The following COL8A2 variants were observed in gnomAD, a reference collection of about 807,000 sequenced individuals.
COL8A2 encodes the protein collagen type VIII alpha 2 chain.
In COL8A2, 16 loss-of-function variants were observed where a neutral mutation model predicts 24.0. The ratio of observed to expected loss-of-function variants is 0.67; its 90% confidence interval spans 0.45 to 1.01. The LOEUF (loss-of-function observed/expected upper bound fraction) is 1.01, where lower values mean the gene tolerates loss of function less well. Ranked by LOEUF, COL8A2 falls within the 50% of genes least tolerant of loss-of-function variation. COL8A2 has a pLI of 0.00. For missense variants in COL8A2, 818 were observed against 942.4 expected, an observed-to-expected ratio of 0.87 and a Z score of 1.73; for synonymous variants, 466 against 424.5, an observed-to-expected ratio of 1.10 and a Z score of -1.20.
chr1:36,121,381 T>A (rs1382590842), intron 1 of COL8A2, among the ~76,000 whole-genome samples: 3 of 89,518 alleles, frequency 3.4e-5, no homozygotes, highest in South Asian at 8.8e-4. Context: ...AGAGCCAGAC[T>A]CTGTCTCAAA....
rs1643558315 is a variant in COL8A2 at position 36,096,082 on chromosome 1, G to A, written c.*1487C>T. ...CCTGGACACAGCCAGACTTGGAGCA[G>A]TGCAACGAGATCACAGACCGAATGA... On this transcript the variant is annotated 3_prime_UTR_variant, in exon 4 of 4. Coordinates refer to ENST00000397799, the MANE Select transcript of COL8A2 (RefSeq NM_005202.4). The A allele has an allele frequency of 6.6e-6, 1 of 151,952 alleles. No individual in the cohort carries two copies. Among genetic ancestry groups the A allele is most frequent in the African/African-American group, 2.4e-5 (1 of 41,374 alleles). The allele number at this position is 151,952 out of a possible 1,614,324, so 9.4% of individuals were successfully genotyped here.
intron 2 of COL8A2, among the ~76,000 whole-genome samples, chr1:36,101,683 G>A (rs939627611): frequency 6.6e-6 from 1 of 152,172 alleles, no homozygotes; most frequent in Non-Finnish European, 1.5e-5. Flanking sequence ...TAGAGACAAC[G>A]CAAATGTCCA....
Position 36,098,105 on chromosome 1 carries a change from G to C in COL8A2, c.1576C>G (p.Pro526Ala). Reference sequence around the variant, plus strand: ...CCAGGGGCACCAGGGGGTCCCGGGGGCCCGGGAGGCCCCGGAGGGCCCGTG... The same window carrying C: ...CCAGGGGCACCAGGGGGTCCCGGGGCCCCGGGAGGCCCCGGAGGGCCCGTG... ...GITGPPGPPGPPGPPGAPGAF... is the reference protein window; with the variant it reads ...GITGPPGPPGAPGPPGAPGAF... The change falls in exon 4 of 4, where the codon CCC (proline) becomes GCC (alanine). Residue 526 changes from proline to alanine, a missense_variant. Around this residue, in one of 3 missense-constraint regions of COL8A2, gnomAD observed 235 missense variants for 297.3 expected, o/e 0.79. Transcript: ENST00000397799. The C allele has an allele frequency of 6.6e-7, 1 of 1,513,694 alleles. No homozygotes were observed. Among genetic ancestry groups the C allele is most frequent in the Non-Finnish European group, 8.8e-7 (1 of 1,140,660 alleles). 93.8% of individuals were successfully genotyped at this position (1,513,694 alleles called of 1,614,324 possible). A position where few individuals can be genotyped will look rare whatever the true frequency, so the allele number is the denominator to read the frequency against.
chr1:36,119,230 A>G (rs543158043), intron 1 of COL8A2, among the ~76,000 whole-genome samples: 6 of 152,298 alleles, frequency 3.9e-5, no homozygotes, highest in African/African-American at 1.2e-4. Context: ...AAACAAGTTA[A>G]TTTTGTGTAA....
rs1178881532 is a variant in COL8A2 at position 36,098,913 on chromosome 1, A to C, written c.768T>G (p.Pro256=). 1 of 1,609,018 alleles carries C rather than the reference A, an allele frequency of 6.2e-7. No homozygotes were observed. Among genetic ancestry groups the C allele is most frequent in the South Asian group, 1.1e-5 (1 of 90,910 alleles). The change falls in exon 4 of 4, where the codon CCT becomes CCG. Residue 256 remains proline (P), a synonymous_variant. Coordinates refer to ENST00000397799, the MANE Select transcript of COL8A2 (RefSeq NM_005202.4). ...CCCCCCTGGGGCCTGGAACTCCAGG[A>C]GGCCCAGACTCACCCTTGTCTCCTG... ...GAPGDKGESG[P]PGVPGPRGEP...
chr1:36,121,757 G>A (rs72661677), intron 1 of COL8A2, among the ~76,000 whole-genome samples: 18 of 152,088 alleles, frequency 1.2e-4, no homozygotes, highest in Non-Finnish European at 1.5e-4. Context: ...ACCCAGTAAG[G>A]TTCCCTCTGC....
chr1:36,095,934 CA>C lies in COL8A2; in HGVS notation c.*1634del, dbSNP rs1643556427. 1 of 152,218 alleles carries C rather than the reference CA, an allele frequency of 6.6e-6. No individual in the cohort carries two copies. Among genetic ancestry groups the C allele is most frequent in the Non-Finnish European group, 1.5e-5 (1 of 68,052 alleles). The allele number at this position is 152,218 out of a possible 1,614,324, so 9.4% of individuals were successfully genotyped here. ...TCATTCCTCCTTTTGAAGAAGTGAG[CA>C]AACAGCCTGCTTTGTTTGGAGAAGT... On this transcript the variant is annotated 3_prime_UTR_variant, in exon 4 of 4. Transcript: ENST00000397799.
chr1:36,123,474 G>A lies in COL8A2; in HGVS notation c.-62+1583C>T, dbSNP rs540484167. On this transcript the variant is annotated intron_variant, in intron 1 of 3. Transcript: ENST00000397799. The surrounding 1 kb of genome is among the most constrained non-coding windows in gnomAD (Gnocchi z 4.1). ...TTCCCCTTCCTCTGAGCCAAAGAGC[G>A]GAAATTCTCATTTTCACTGTGGTAG... Among the ~76,000 whole-genome samples, 5 of 152,292 alleles carry A rather than the reference G, an allele frequency of 3.3e-5. No homozygotes were observed. Among genetic ancestry groups the A allele is most frequent in the South Asian group, 2.1e-4 (1 of 4,826 alleles).
Position 36,098,538 on chromosome 1 carries a change from T to C in COL8A2, c.1143A>G (p.Ala381=). ...GCACTCCTGGGGGTCCTCCAGGCCC[T>C]GCCTCACCCTTAGGCCCAGGGGGCC... ...RRGPPGPKGE[A]GPGGPPGVPG... Residue 381 remains alanine, a synonymous_variant, in exon 4 of 4, where the codon GCA becomes GCG. Transcript: ENST00000397799. 6.3e-7 allele frequency: 1 copy of C among 1,599,204 alleles called. No individual in the cohort carries two copies.
At chr1:36,100,006 G>T in intron 3 of COL8A2, 44 bp downstream of exon 3, 1 of 1,579,130 alleles carries the variant, frequency 6.3e-7, no homozygotes, top group Non-Finnish European at 8.7e-7. Context: ...GGGATTTGGG[G>T]GCTGGGAGCG....
chr1:36,111,386 T>C (rs562903350), intron 2 of COL8A2, among the ~76,000 whole-genome samples: 83 of 152,284 alleles, frequency 5.5e-4, no homozygotes, highest in Non-Finnish European at 1.0e-3. Context: ...GCCCACTTCC[T>C]CTGCCCACTC....
rs946286695 is a variant in COL8A2 at position 36,107,622 on chromosome 1, C to T, written c.-16-7364G>A. Among the ~76,000 whole-genome samples, 48 of 152,108 alleles carry T rather than the reference C, an allele frequency of 3.2e-4. 2 individuals carry two copies. The highest frequency in any genetic ancestry group is 5.9e-5 in the Non-Finnish European group (4 of 68,020). ...GCTGGGGAGTGCGCACTGGCCACAG[C>T]GGTGAGAAGGGTGTGTGCGGCCTAT... On this transcript the variant is annotated intron_variant, in intron 2 of 3. Coordinates refer to ENST00000397799, the MANE Select transcript of COL8A2 (RefSeq NM_005202.4).
Position 36,098,014 on chromosome 1 carries a change from A to T in COL8A2, c.1667T>A (p.Leu556Gln). ...LPNGGVEGAV[L>Q]GKGGKPQFGL... is the part of the protein sequence containing the mutation. ...AAACTGTGGCTTGCCCCCCTTGCCC[A>T]GCACGGCACCCTCCACACCGCCGTT... The change falls in exon 4 of 4, where the codon CTG (leucine) becomes CAG (glutamine). Residue 556 changes from leucine to glutamine, a missense_variant. Physicochemically the swap from Leu to Gln is moderately radical, Grantham distance 113. Coordinates refer to ENST00000397799, the MANE Select transcript of COL8A2 (RefSeq NM_005202.4). 1.3e-6 allele frequency: 2 copies of T among 1,596,098 alleles called. No individual in the cohort carries two copies.
chr1:36,099,985 CAG>C (rs1257974788), intron 3 of COL8A2, 63 bp downstream of exon 3: 9 of 1,498,920 alleles, frequency 6.0e-6, no homozygotes, highest in African/African-American at 5.5e-5. Flanking sequence ...TGATGGCTCT[CAG>C]GGAGGCAGGG....
Position 36,098,054 on chromosome 1 carries a change from C to G in COL8A2, c.1627G>C (p.Gly543Arg). The change falls in exon 4 of 4, where the codon GGC (glycine) becomes CGC (arginine). Residue 543 changes from glycine to arginine, a missense_variant. Physicochemically the swap from Gly to Arg is moderately radical, Grantham distance 125 (BLOSUM62 -2). Around this residue, in one of 3 missense-constraint regions of COL8A2, gnomAD observed 235 missense variants for 297.3 expected, o/e 0.79. Transcript: ENST00000397799. ...PGAFDETGIAGLHLPNGGVEG... is the reference protein window; with the variant it reads ...PGAFDETGIARLHLPNGGVEG... ...ACACCGCCGTTGGGCAGGTGCAAGCCTGCGATGCCAGTCTCATCGAAGGCC... is the reference window on the plus strand; with the variant it reads ...ACACCGCCGTTGGGCAGGTGCAAGCGTGCGATGCCAGTCTCATCGAAGGCC... 6.3e-7 allele frequency: 1 copy of G among 1,584,964 alleles called. No homozygotes were observed. Among genetic ancestry groups the G allele is most frequent in the Non-Finnish European group, 8.5e-7 (1 of 1,170,006 alleles).
chr1:36,122,238 T>C (rs1357458565), intron 1 of COL8A2, among the ~76,000 whole-genome samples: 4 of 152,018 alleles, frequency 2.6e-5, no homozygotes, highest in African/African-American at 9.7e-5. Context: ...GCATTCCCAT[T>C]TTAGAGATGG....
chr1:36,100,866 C>T (rs558758003), intron 2 of COL8A2, among the ~76,000 whole-genome samples: 8 of 132,424 alleles, frequency 6.0e-5, no homozygotes, highest in African/African-American at 1.9e-4. Flanking sequence ...AAGTCTATGG[C>T]GCTTAGCATA....
chr1:36,105,388 CA>C (rs1340019952), intron 2 of COL8A2, among the ~76,000 whole-genome samples: 2 of 152,234 alleles, frequency 1.3e-5, no homozygotes, highest in Non-Finnish European at 2.9e-5. Flanking sequence ...GAAGATCCTG[CA>C]GTTATTACCC....
Position 36,097,852 on chromosome 1 carries a change from C to T in COL8A2, c.1829G>A (p.Gly610Asp). ...GCCGCCCACAGGGCAGGTGAAGATG[C>T]CAGTGGCTGGGTTGTAGCCGCTGTG... ...NGHSGYNPAT[G>D]IFTCPVGGVY... is the part of the protein sequence containing the mutation. The change falls in exon 4 of 4, where the codon GGC becomes GAC. Residue 610 changes from glycine to aspartate, a missense_variant. Around this residue, in one of 3 missense-constraint regions of COL8A2, gnomAD observed 235 missense variants for 297.3 expected, o/e 0.79. Transcript: ENST00000397799. The T allele has an allele frequency of 6.2e-7, 1 of 1,613,034 alleles. No homozygotes were observed. Among genetic ancestry groups the T allele is most frequent in the Non-Finnish European group, 8.5e-7 (1 of 1,180,030 alleles).
Sources: gnomAD v4.1 joint callset for allele counts (sites outside exome capture counted in the v4.1 genomes callset) on GRCh38, gnomAD v4.1.1 for gene constraint, gnomAD v4.1.1 regional missense constraint, Gnocchi (gnomAD v3.1) non-coding constraint, MANE v1.5 for transcripts, NCBI Gene and HGNC (gene_info 2026-07-23, HGNC 2026-07-21) for gene names.